MCPH1: variants seen among roughly 807,000 people sequenced by gnomAD.
The protein encoded by MCPH1 is microcephalin 1.
MCPH1 carries 104 observed loss-of-function variants against 84.5 expected under a neutral mutation model. The observed-to-expected ratio is 1.23, with a 90% CI of 1.05 to 1.45. MCPH1 has a LOEUF of 1.45. Ranked by LOEUF, MCPH1 falls within the 40% of genes most tolerant of loss-of-function variation. MCPH1 has a pLI of 0.00. For synonymous variants in MCPH1, 514 were observed against 366.8 expected (o/e 1.40, Z -4.58); for missense variants, 1,498 against 1,005.7 (o/e 1.49, Z -6.62).
intron 1 of MCPH1, among the ~76,000 whole-genome samples, chr8:6,407,518 A>G (rs574404557): frequency 3.3e-5 from 5 of 152,248 alleles, no homozygotes; most frequent in African/African-American, 1.2e-4. Context: ...GGAGAGGGGA[A>G]TAGCGGACAC....
intron 12 of MCPH1, chr8:6,513,957 T>C: frequency 1.9e-6 from 2 of 1,033,624 alleles, no homozygotes; most frequent in South Asian, 3.7e-5. Context: ...AGAAATTCCT[T>C]CTGGTGCTGT....
intron 12 of MCPH1, among the ~76,000 whole-genome samples, chr8:6,610,866 C>T (rs1052395921): frequency 1.9e-4 from 29 of 151,942 alleles, no homozygotes; most frequent in Admixed American, 3.9e-4. Flanking sequence ...CTTGTTCTTT[C>T]AAGAACTGTT....
chr8:6,436,389 G>A (rs1259927130), intron 5 of MCPH1, among the ~76,000 whole-genome samples: 2 of 152,200 alleles, frequency 1.3e-5, no homozygotes, highest in East Asian at 1.9e-4. Flanking sequence ...CATTCATCAA[G>A]GTGGTCGAAC....
At chr8:6,590,082 G>C (rs149660379) in intron 12 of MCPH1, among the ~76,000 whole-genome samples, 1 of 152,080 alleles carries the variant, frequency 6.6e-6, no homozygotes, top group Non-Finnish European at 1.5e-5. Flanking sequence ...ATAGCAAAAA[G>C]TGGGGGAGTG....
chr8:6,418,125 C>A (rs1022094773), intron 3 of MCPH1, among the ~76,000 whole-genome samples: 1 of 152,096 alleles, frequency 6.6e-6, no homozygotes, highest in Admixed American at 6.5e-5. Flanking sequence ...TCCTATGGTT[C>A]TCTTACTTCC....
At chr8:6,506,993 GT>G (rs1414339453) in intron 12 of MCPH1, among the ~76,000 whole-genome samples, 1 of 151,964 alleles carries the variant, frequency 6.6e-6, no homozygotes, top group Non-Finnish European at 1.5e-5. Flanking sequence ...TGTCTCCCCG[GT>G]TCAAGAGATT....
At chr8:6,523,259 A>T (rs557028306) in intron 12 of MCPH1, among the ~76,000 whole-genome samples, 24 of 152,272 alleles carry the variant, frequency 1.6e-4, no homozygotes, top group Non-Finnish European at 2.9e-4. Flanking sequence ...TGCCTCCCAA[A>T]GTGCTGGGAT....
At chr8:6,556,916 C>A (rs1403165599) in intron 12 of MCPH1, among the ~76,000 whole-genome samples, 1 of 152,148 alleles carries the variant, frequency 6.6e-6, no homozygotes, top group Non-Finnish European at 1.5e-5. Flanking sequence ...CCTCTGACTT[C>A]TTCTAGGCAC....
chr8:6,521,720 G>A (rs1664628769), intron 12 of MCPH1, among the ~76,000 whole-genome samples: 2 of 152,184 alleles, frequency 1.3e-5, no homozygotes, highest in Admixed American at 1.3e-4. Flanking sequence ...ATGCTGCAGC[G>A]CTCAGAAGAA....
At chr8:6,407,191 C>T (rs926273683) in intron 1 of MCPH1, 24 of 180,264 alleles carry the variant, frequency 1.3e-4, no homozygotes, top group African/African-American at 5.3e-4. Context: ...CCTGTTCGAC[C>T]CCCTCTGAGG....
At chr8:6,543,426 A>T (rs759151179) in intron 12 of MCPH1, among the ~76,000 whole-genome samples, 6 of 152,132 alleles carry the variant, frequency 3.9e-5, no homozygotes, top group Non-Finnish European at 7.4e-5. Context: ...GGATGCAAAC[A>T]CACATTTCCG....
At chr8:6,589,476 G>C (rs1480378871) in intron 12 of MCPH1, among the ~76,000 whole-genome samples, 1 of 152,146 alleles carries the variant, frequency 6.6e-6, no homozygotes, top group African/African-American at 2.4e-5. Context: ...TGACATCAGC[G>C]TGCATTGCTC....
chr8:6,415,501 G>A (rs1435090600), intron 3 of MCPH1, among the ~76,000 whole-genome samples: 2 of 151,850 alleles, frequency 1.3e-5, no homozygotes, highest in Admixed American at 6.6e-5. Context: ...TTACAGGCAC[G>A]CACCACCATG....
intron 11 of MCPH1, among the ~76,000 whole-genome samples, chr8:6,495,636 C>A (rs1033153291): frequency 6.6e-6 from 1 of 152,094 alleles, no homozygotes; most frequent in Non-Finnish European, 1.5e-5. Flanking sequence ...ACTTTTGTTA[C>A]GCTTATAATA....
intron 12 of MCPH1, chr8:6,503,126 A>G: frequency 6.2e-7 from 1 of 1,614,194 alleles, no homozygotes. Flanking sequence ...TCGGATCATC[A>G]TGGTTGTGGC....
intron 11 of MCPH1, among the ~76,000 whole-genome samples, chr8:6,488,884 A>AG (rs1352587250): frequency 2.0e-5 from 3 of 151,904 alleles, no homozygotes; most frequent in South Asian, 2.1e-4. Flanking sequence ...CTGTGTCTAG[A>AG]GGGGGGGTTG....
rs979045406 is a variant in MCPH1, at chr8:6,645,685, C to G, written c.*2636C>G. 8 of 148,054 alleles carry G rather than the reference C, an allele frequency of 5.4e-5. No individual in the cohort carries two copies. The highest frequency in any genetic ancestry group is 2.0e-4 in the African/African-American group (8 of 40,030). The allele number at this position is 148,054 out of a possible 1,614,324, so 9.2% of individuals were successfully genotyped here. ...TTGCAATATACAATCTTGCAATCTT[C>G]CTAAAGATTATATACAAACCTAACA... On this transcript the variant is annotated 3_prime_UTR_variant, in exon 14 of 14. Transcript: ENST00000344683.
At position 6,493,963 on chromosome 8, in the gene MCPH1, C is replaced by T. The variant is rs929426645; in HGVS notation, c.2137-5889C>T. On this transcript the variant is annotated intron_variant, in intron 11 of 13. Coordinates refer to ENST00000344683, the MANE Select transcript of MCPH1 (RefSeq NM_024596.5). ...AAATTTTTTTTTTTTTTCTTTGAGA[C>T]AGAGTTTCGCTCTGTTGCCCAGGCT... Among the ~76,000 whole-genome samples, 61 of 150,546 alleles carry T rather than the reference C, an allele frequency of 4.1e-4. 1 individual carries two copies. The highest frequency in any genetic ancestry group is 1.4e-3 in the African/African-American group (57 of 40,924).
intron 11 of MCPH1, among the ~76,000 whole-genome samples, chr8:6,481,973 A>C (rs1197338495): frequency 2.2e-4 from 34 of 152,238 alleles, no homozygotes; most frequent in African/African-American, 4.8e-5. Flanking sequence ...ACTAGCATGA[A>C]GAAATCTCAG....
Sources: allele counts gnomAD v4.1 joint callset (sites outside exome capture counted in the v4.1 genomes callset), GRCh38; gene constraint gnomAD v4.1.1; transcripts MANE v1.5; gene names NCBI Gene and HGNC (gene_info 2026-07-23, HGNC 2026-07-21).